The following VPS35L variants were observed in gnomAD, a reference collection of about 807,000 sequenced individuals.
VPS35L encodes VPS35 endosomal protein-sorting factor-like.
Under a neutral mutation model 133.0 loss-of-function variants are expected in VPS35L, and 83 were observed. That is an observed-to-expected ratio of 0.62 (90% CI 0.52 to 0.75). The LOEUF (loss-of-function observed/expected upper bound fraction) is 0.75. Among genes scored for constraint, VPS35L ranks in the 30% least tolerant of loss-of-function variants. The probability of loss-of-function intolerance (pLI) is 0.00; values close to 1 mark genes in which losing one functional copy is unlikely to be tolerated. For synonymous variants in VPS35L, 423 were observed against 449.9 expected (o/e 0.94, Z 0.76); for missense variants, 1,083 against 1,206.8 (o/e 0.90, Z 1.52).
At chr16:19,700,074 G>T (rs1487906805) in intron 30 of VPS35L, among the ~76,000 whole-genome samples, 1 of 152,242 alleles carries the variant, frequency 6.6e-6, no homozygotes, top group Non-Finnish European at 1.5e-5. Context: ...TCCAGCCTGG[G>T]TGATAGAGCA....
chr16:19,683,367 AG>A (rs1975353525), intron 28 of VPS35L, among the ~76,000 whole-genome samples: 1 of 152,188 alleles, frequency 6.6e-6, no homozygotes, highest in Admixed American at 6.5e-5. Context: ...GGTTTGTGAC[AG>A]GGGTATATTG....
chr16:19,587,183 G>A (rs969752141), intron 7 of VPS35L, among the ~76,000 whole-genome samples: 2 of 152,202 alleles, frequency 1.3e-5, no homozygotes, highest in East Asian at 1.9e-4. Context: ...AACAGCAAGG[G>A]GGAAGTCTGC....
At position 19,640,058 on chromosome 16, in the gene VPS35L, T is replaced by A; in HGVS notation, c.1742T>A (p.Val581Glu). The A allele has an allele frequency of 6.8e-6, 11 of 1,614,180 alleles. No individual in the cohort carries two copies. The highest frequency in any genetic ancestry group is 7.6e-6 in the Non-Finnish European group (9 of 1,180,018). Residue 581 changes from valine (V) to glutamate (E), a missense_variant, in exon 21 of 31, where the codon GTG becomes GAG. Physicochemically the swap from Val to Glu is moderately radical, Grantham distance 121 (BLOSUM62 -2). Transcript: ENST00000417362. ...CTGGACATGTTCCAAAAAGAGAGTG[T>A]GCGGGTGGAGGTTTGCAAATGCATC... ...PFLDMFQKES[V>E]RVEVCKCIMD...
chr16:19,686,635 G>A (rs780734872), intron 28 of VPS35L, among the ~76,000 whole-genome samples: 1 of 152,146 alleles, frequency 6.6e-6, no homozygotes, highest in Non-Finnish European at 1.5e-5. Flanking sequence ...ATTTGCAGGG[G>A]ACATCATTTC....
chr16:19,570,125 C>T (rs8046566), intron 3 of VPS35L, among the ~76,000 whole-genome samples: 23,942 of 151,882 alleles, frequency 0.16, 1,990 homozygotes, highest in African/African-American at 0.19. Flanking sequence ...AACTGGAGTG[C>T]AGTGGTGCAA....
intron 7 of VPS35L, among the ~76,000 whole-genome samples, chr16:19,585,810 C>T (rs1324374087): frequency 6.6e-6 from 1 of 152,128 alleles, no homozygotes; most frequent in Non-Finnish European, 1.5e-5. Flanking sequence ...CATCTTTGTA[C>T]ACGCTTATTG....
intron 21 of VPS35L, 42 bp from the exon 22 acceptor site, chr16:19,642,354 C>A: frequency 6.5e-7 from 1 of 1,539,070 alleles, no homozygotes; most frequent in Non-Finnish European, 9.0e-7. Context: ...GCAGTGCTGT[C>A]AGTGGACAAA....
intron 27 of VPS35L, 137 bp from the exon 28 acceptor site, chr16:19,682,088 C>T: frequency 1.1e-6 from 1 of 949,532 alleles, no homozygotes; most frequent in Non-Finnish European, 1.6e-6. Flanking sequence ...GTGAGTGGGT[C>T]TTGCCTTTGT....
intron 27 of VPS35L, among the ~76,000 whole-genome samples, chr16:19,678,512 C>T (rs1975141486): frequency 6.7e-6 from 1 of 149,938 alleles, no homozygotes; most frequent in Non-Finnish European, 1.5e-5. Context: ...GAGTCTCGCT[C>T]TGTTGCCCAG....
intron 8 of VPS35L, among the ~76,000 whole-genome samples, chr16:19,593,501 G>A (rs918299762): frequency 1.3e-5 from 2 of 152,218 alleles, no homozygotes; most frequent in Non-Finnish European, 2.9e-5. Context: ...GCTAAAACAA[G>A]TGACAAGAAA....
In VPS35L at chr16:19,569,510, G is replaced by T. The variant is rs767341890; in HGVS notation, c.204G>T (p.Pro68=). The change falls in exon 3 of 31, where the codon CCG becomes CCT. Residue 68 remains proline, a synonymous_variant. Coordinates refer to ENST00000417362, the MANE Select transcript of VPS35L (RefSeq NM_020314.7). Reference sequence around the variant, plus strand: ...CCTCCTCCAGCTCCGTGGTGGACCCGCTGAGCAGCGTCCTCGATGGGACTG... The same window carrying T: ...CCTCCTCCAGCTCCGTGGTGGACCCTCTGAGCAGCGTCCTCGATGGGACTG... ...SSSSSSSVVD[P]LSSVLDGTDP... is the part of the protein sequence containing the mutation. The T allele has an allele frequency of 5.6e-6, 9 of 1,610,520 alleles. No homozygotes were observed. The South Asian group carries it at 8.8e-5, about 16-fold the overall frequency.
chr16:19,654,573 A>G (rs1358186226), intron 26 of VPS35L, among the ~76,000 whole-genome samples: 2 of 152,104 alleles, frequency 1.3e-5, no homozygotes, highest in African/African-American at 2.4e-5. Context: ...AGAAACAACA[A>G]TGGGTTAGTG....
intron 5 of VPS35L, among the ~76,000 whole-genome samples, chr16:19,575,755 T>C (rs565978406): frequency 7.4e-5 from 11 of 149,154 alleles, no homozygotes; most frequent in South Asian, 2.1e-4. Context: ...CCCAGTTACA[T>C]AGGAGGCTGA....
At chr16:19,578,431 T>A in intron 5 of VPS35L, 1 of 404,414 alleles carries the variant, frequency 2.5e-6, no homozygotes, top group Non-Finnish European at 4.8e-6. Flanking sequence ...GATTCTGAAA[T>A]AGACGGCCGC....
chr16:19,679,756 C>T lies in VPS35L; in HGVS notation c.2362-2469C>T, dbSNP rs532302343. Among the ~76,000 whole-genome samples the T allele has an allele frequency of 9.9e-5, 15 of 152,264 alleles. No individual in the cohort carries two copies. The East Asian group carries it at 1.2e-3, about 12-fold the overall frequency. Reference sequence around the variant, plus strand: ...CTGACCTCAAGGGATCCGCCCATCTCGGCCTTCTGAAGTGCTGGGATTACA... The same window carrying T: ...CTGACCTCAAGGGATCCGCCCATCTTGGCCTTCTGAAGTGCTGGGATTACA... On this transcript the variant is annotated intron_variant, in intron 27 of 30. Coordinates refer to ENST00000417362, the MANE Select transcript of VPS35L (RefSeq NM_020314.7).
intron 27 of VPS35L, among the ~76,000 whole-genome samples, chr16:19,681,410 A>T (rs371243654): frequency 6.6e-6 from 1 of 152,148 alleles, no homozygotes; most frequent in African/African-American, 2.4e-5. Flanking sequence ...GCGGGTTCCA[A>T]TCGTGCTGTT....
intron 21 of VPS35L, 24 bp from the exon 22 acceptor site, chr16:19,642,372 C>T (rs570387130): frequency 1.9e-6 from 3 of 1,606,514 alleles, no homozygotes; most frequent in Admixed American, 1.7e-5. Context: ...AAAACTTTGA[C>T]TTTTATCTTT....
chr16:19,648,521 CTT>C (rs1423459054), intron 24 of VPS35L, among the ~76,000 whole-genome samples: 3 of 152,064 alleles, frequency 2.0e-5, no homozygotes, highest in Non-Finnish European at 4.4e-5. Context: ...CTCTCAGTAA[CTT>C]TTTATGGTGC....
rs576553986 is a variant in VPS35L, at chr16:19,571,531, A to ATTTAT, written c.286-1564_286-1560dup. 6.4e-3 allele frequency among the ~76,000 whole-genome samples: 968 copies of ATTTAT among 150,254 alleles called. 6 individuals carry two copies. The highest frequency in any genetic ancestry group is 0.023 in the African/African-American group (925 of 40,870). On this transcript the variant is annotated intron_variant, in intron 3 of 30. Coordinates refer to ENST00000417362, the MANE Select transcript of VPS35L (RefSeq NM_020314.7). ...CTGCACCCCACAACTTTTTTTTTTA[A>ATTTAT]TTTATTTTATTTTATTTTATTTTAT...
Sources: gnomAD v4.1 joint callset for allele counts (sites outside exome capture counted in the v4.1 genomes callset) on GRCh38, gnomAD v4.1.1 for gene constraint, MANE v1.5 for transcripts, NCBI Gene and HGNC (gene_info 2026-07-23, HGNC 2026-07-21) for gene names.